CCM2: variants seen among roughly 807,000 people sequenced by gnomAD.
CCM2 encodes cerebral cavernous malformations 2 protein.
Under a neutral mutation model 44.9 loss-of-function variants are expected in CCM2, and 25 were observed. The ratio of observed to expected loss-of-function variants is 0.56; its 90% confidence interval spans 0.41 to 0.78. CCM2 has a LOEUF of 0.78. Among genes scored for constraint, CCM2 ranks in the 30% least tolerant of loss-of-function variants. The probability of loss-of-function intolerance (pLI) is 0.00; values close to 1 mark genes in which losing one functional copy is unlikely to be tolerated. For missense variants in CCM2, 481 were observed against 580.6 expected (o/e 0.83, Z 1.76); for synonymous variants, 219 against 241.1 (o/e 0.91, Z 0.85).
chr7:45,052,286 G>A (rs933651431), intron 2 of CCM2, among the ~76,000 whole-genome samples: 8 of 152,216 alleles, frequency 5.3e-5, no homozygotes, highest in African/African-American at 1.9e-4. Flanking sequence ...CTCTTGGAGG[G>A]GATGATGCCT....
intron 1 of CCM2, among the ~76,000 whole-genome samples, chr7:45,037,384 G>A (rs1230613091): frequency 6.6e-6 from 1 of 150,422 alleles, no homozygotes; most frequent in Non-Finnish European, 1.5e-5. Flanking sequence ...AGAGTTAGGG[G>A]CTGGCCAGCT....
chr7:45,036,244 T>C (rs1204232756), intron 1 of CCM2, among the ~76,000 whole-genome samples: 1 of 152,102 alleles, frequency 6.6e-6, no homozygotes, highest in Admixed American at 6.5e-5. Context: ...CTGTTGTGTT[T>C]TTTGTTTTCG....
chr7:45,018,453 T>C (rs1325337095), intron 1 of CCM2, among the ~76,000 whole-genome samples: 3 of 151,668 alleles, frequency 2.0e-5, no homozygotes, highest in South Asian at 4.2e-4. Flanking sequence ...ACCTCCTGGG[T>C]TCAAGTGATT....
At chr7:45,059,449 AAAC>A (rs1357767286) in intron 2 of CCM2, among the ~76,000 whole-genome samples, 1 of 151,250 alleles carries the variant, frequency 6.6e-6, no homozygotes, top group African/African-American at 2.4e-5. Flanking sequence ...AAGAAAGAAA[AAAC>A]AAAAAATACA....
chr7:45,057,377 G>C (rs1798311278), intron 2 of CCM2, among the ~76,000 whole-genome samples: 4 of 151,972 alleles, frequency 2.6e-5, no homozygotes, highest in African/African-American at 9.7e-5. Flanking sequence ...TGGCCAGGAT[G>C]GTCTTGATAT....
intron 6 of CCM2, 141 bp downstream of exon 6, chr7:45,070,102 G>A (rs975391388): frequency 7.6e-6 from 8 of 1,049,270 alleles, no homozygotes; most frequent in Non-Finnish European, 9.8e-6. Context: ...AGACTTTGCT[G>A]TTCACATTAG....
At chr7:45,042,966 T>C (rs1165738480) in intron 2 of CCM2, among the ~76,000 whole-genome samples, 1 of 121,884 alleles carries the variant, frequency 8.2e-6, no homozygotes, top group African/African-American at 3.9e-5. Flanking sequence ...TCTCTTCTTC[T>C]TCTTTTTTTT....
intron 1 of CCM2, among the ~76,000 whole-genome samples, chr7:45,011,704 A>G (rs577390280): frequency 9.9e-4 from 150 of 152,178 alleles, no homozygotes; most frequent in African/African-American, 3.4e-3. Context: ...GGTGCCCACC[A>G]CTATGCCTGG....
chr7:45,036,803 T>C (rs1289954785), intron 1 of CCM2, among the ~76,000 whole-genome samples: 1 of 152,096 alleles, frequency 6.6e-6, no homozygotes, highest in Non-Finnish European at 1.5e-5. Flanking sequence ...TGGTGGTTTA[T>C]TGTATATATG....
At position 45,040,849 on chromosome 7, in the gene CCM2, G is replaced by A. The variant is rs370053838; in HGVS notation, c.204+2423G>A. On this transcript the variant is annotated intron_variant, in intron 2 of 9. Coordinates refer to ENST00000258781, the MANE Select transcript of CCM2 (RefSeq NM_031443.4). The stretch of plus-strand genomic sequence containing the variant: ...TAAAAATGCCAGAAAAATTAGCCAG[G>A]TGTAGTGGCACACGCCTGTAATTCC... 1.6e-4 allele frequency among the ~76,000 whole-genome samples: 24 copies of A among 152,302 alleles called. No individual in the cohort carries two copies. The East Asian group carries it at 2.1e-3, about 13-fold the overall frequency.
intron 2 of CCM2, among the ~76,000 whole-genome samples, chr7:45,039,878 T>G (rs919807293): frequency 6.6e-6 from 1 of 151,568 alleles, no homozygotes; most frequent in African/African-American, 2.4e-5. Flanking sequence ...AATACAAAAA[T>G]TAGCCGGGCG....
chr7:45,049,626 A>T (rs952116319), intron 2 of CCM2, among the ~76,000 whole-genome samples: 1 of 152,194 alleles, frequency 6.6e-6, no homozygotes, highest in Non-Finnish European at 1.5e-5. Flanking sequence ...TATTTAATTT[A>T]TTTTCAACTG....
At chr7:45,032,897 C>T (rs1415447830) in intron 1 of CCM2, among the ~76,000 whole-genome samples, 1 of 151,902 alleles carries the variant, frequency 6.6e-6, no homozygotes, top group African/African-American at 2.4e-5. Flanking sequence ...TAAAATTAGC[C>T]AGGCATGGTG....
Position 45,076,312 on chromosome 7 carries a change from T to TCGGGGAGGGCCCGGCCGAGCGGG in CCM2, c.*257_*279dup, listed in dbSNP as rs1175317125. 6 of 665,162 alleles carry TCGGGGAGGGCCCGGCCGAGCGGG rather than the reference T, an allele frequency of 9.0e-6. No homozygotes were observed. Among genetic ancestry groups the TCGGGGAGGGCCCGGCCGAGCGGG allele is most frequent in the Non-Finnish European group, 1.4e-5 (5 of 364,078 alleles). 41.2% of individuals were successfully genotyped at this position (665,162 alleles called of 1,614,324 possible). On this transcript the variant is annotated 3_prime_UTR_variant, in exon 10 of 10. Transcript: ENST00000258781. The stretch of plus-strand genomic sequence containing the variant: ...GCCAAGCCCTGCAGTGTGTCCCCGC[T>TCGGGGAGGGCCCGGCCGAGCGGG]CGGGGAGGGCCCGGCCGAGCGGGCA...
intron 1 of CCM2, among the ~76,000 whole-genome samples, chr7:45,031,043 G>C (rs1796942178): frequency 6.6e-6 from 1 of 152,012 alleles, no homozygotes; most frequent in South Asian, 2.1e-4. Context: ...TTTTTAACTA[G>C]AACTTTCCTT....
At chr7:45,046,645 A>G (rs1797769228) in intron 2 of CCM2, among the ~76,000 whole-genome samples, 1 of 152,272 alleles carries the variant, frequency 6.6e-6, no homozygotes, top group African/African-American at 2.4e-5. Context: ...CTTCTAGGAT[A>G]AAACATAGAA....
At position 45,069,855 on chromosome 7, in the gene CCM2, A is replaced by G. The variant is rs1036476643; in HGVS notation, c.639A>G (p.Leu213=). 3.7e-6 allele frequency: 6 copies of G among 1,614,098 alleles called. No homozygotes were observed. The highest frequency in any genetic ancestry group is 2.2e-5 in the South Asian group (2 of 91,096). The change falls in exon 6 of 10, where the codon CTA becomes CTG. Residue 213 remains leucine (L), a synonymous_variant. Coordinates refer to ENST00000258781, the MANE Select transcript of CCM2 (RefSeq NM_031443.4). The part of the protein sequence containing the change: ...KVAAEELCCL[L]GQVFQVVYTE... The stretch of plus-strand genomic sequence containing the variant: ...CTGCGGAGGAGCTTTGCTGTCTGCT[A>G]GGCCAGGTCTTCCAGGTTGTTTACA...
intron 1 of CCM2, among the ~76,000 whole-genome samples, chr7:45,037,791 G>A (rs1030827865): frequency 6.6e-6 from 1 of 152,154 alleles, no homozygotes; most frequent in Non-Finnish European, 1.5e-5. Context: ...CCCCACTGGG[G>A]AAAGAATTGC....
At chr7:45,025,734 A>G (rs1796661541) in intron 1 of CCM2, among the ~76,000 whole-genome samples, 1 of 152,132 alleles carries the variant, frequency 6.6e-6, no homozygotes, top group South Asian at 2.1e-4. Context: ...GGGTTTCTCC[A>G]TATTGGTCAG....
Sources: allele counts gnomAD v4.1 joint callset (sites outside exome capture counted in the v4.1 genomes callset), GRCh38; gene constraint gnomAD v4.1.1; transcripts MANE v1.5; gene names NCBI Gene and HGNC (gene_info 2026-07-23, HGNC 2026-07-21).